WBP1L: variants seen among roughly 807,000 people sequenced by gnomAD.
WBP1L encodes WW domain binding protein 1 like.
A neutral mutation model predicts 33.7 loss-of-function variants in WBP1L; 17 were observed. The ratio of observed to expected loss-of-function variants is 0.50; its 90% confidence interval spans 0.34 to 0.76. WBP1L has a LOEUF of 0.76. Among genes scored for constraint, WBP1L ranks in the 30% least tolerant of loss-of-function variants. The pLI is 0.01. For missense variants in WBP1L, 389 were observed against 469.4 expected (o/e 0.83, Z 1.58); for synonymous variants, 173 against 190.8 (o/e 0.91, Z 0.77).
intron 1 of WBP1L, among the ~76,000 whole-genome samples, chr10:102,788,191 C>T (rs1427911244): frequency 2.9e-5 from 4 of 137,310 alleles, no homozygotes; most frequent in African/African-American, 8.1e-5. Context: ...TGCAGTGGTG[C>T]GATCTCGGCT....
chr10:102,757,053 A>C (rs1842985374), intron 1 of WBP1L, among the ~76,000 whole-genome samples: 1 of 151,864 alleles, frequency 6.6e-6, no homozygotes, highest in Non-Finnish European at 1.5e-5. Flanking sequence ...ACACCTAGCT[A>C]ATTTTTTTGT....
chr10:102,768,384 T>TTTTTTTTTTTTTTTG (rs1843140858), intron 1 of WBP1L, among the ~76,000 whole-genome samples: 1 of 17,072 alleles, frequency 5.9e-5, no homozygotes, highest in African/African-American at 6.1e-4. Context: ...TTTTTTTTTT[T>TTTTTTTTTTTTTTTG]TTTTTTTTTT....
At chr10:102,792,912 C>T (rs777219932) in intron 1 of WBP1L, among the ~76,000 whole-genome samples, 1 of 152,070 alleles carries the variant, frequency 6.6e-6, no homozygotes, top group Non-Finnish European at 1.5e-5. Flanking sequence ...ACTTTTTAAC[C>T]GTACTGTCAA....
chr10:102,751,640 A>C (rs1258722914), intron 1 of WBP1L, among the ~76,000 whole-genome samples: 1 of 152,166 alleles, frequency 6.6e-6, no homozygotes, highest in African/African-American at 2.4e-5. Context: ...ATTTAAACTA[A>C]ATAGCTGTAT....
At chr10:102,809,266 CAG>C (rs1385232530) in intron 2 of WBP1L, among the ~76,000 whole-genome samples, 1 of 151,724 alleles carries the variant, frequency 6.6e-6, no homozygotes, top group Non-Finnish European at 1.5e-5. Flanking sequence ...TTAGTAGAGA[CAG>C]GGTTTCACCA....
At position 102,757,350 on chromosome 10, in the gene WBP1L, G is replaced by A. The variant is rs1473879848; in HGVS notation, c.90+13207G>A. Among the ~76,000 whole-genome samples the A allele has an allele frequency of 4.6e-5, 7 of 152,280 alleles. No homozygotes were observed. In the East Asian group the frequency reaches 9.7e-4, roughly 21 times the overall value. On this transcript the variant is annotated intron_variant, in intron 1 of 3. Coordinates refer to ENST00000448841, the MANE Select transcript of WBP1L (RefSeq NM_001083913.2). The stretch of plus-strand genomic sequence containing the variant: ...CTATTATTCTTGTTTGCACATCATC[G>A]TGCCCTTGAGTGAGAAGAGTGATGG...
intron 1 of WBP1L, among the ~76,000 whole-genome samples, chr10:102,771,505 T>A (rs1398064320): frequency 1.3e-5 from 2 of 152,028 alleles, no homozygotes; most frequent in Non-Finnish European, 2.9e-5. Flanking sequence ...TCATCTATAA[T>A]GACAGAAAAA....
chr10:102,807,757 A>G (rs1843757374), intron 2 of WBP1L, among the ~76,000 whole-genome samples: 1 of 151,802 alleles, frequency 6.6e-6, no homozygotes, highest in African/African-American at 2.4e-5. Flanking sequence ...AACTCTTTGT[A>G]TGTCAAAAAT....
intron 1 of WBP1L, among the ~76,000 whole-genome samples, chr10:102,769,199 G>A (rs1483440103): frequency 6.6e-6 from 1 of 152,182 alleles, no homozygotes; most frequent in Non-Finnish European, 1.5e-5. Context: ...TGCTCAGGCT[G>A]GTCTTGAAAT....
At chr10:102,762,179 C>A (rs1843050516) in intron 1 of WBP1L, among the ~76,000 whole-genome samples, 1 of 152,060 alleles carries the variant, frequency 6.6e-6, no homozygotes, top group Non-Finnish European at 1.5e-5. Flanking sequence ...ACCACTCCAG[C>A]CTGGGTGACC....
chr10:102,781,869 TG>T (rs1167918247), intron 1 of WBP1L, among the ~76,000 whole-genome samples: 3 of 119,452 alleles, frequency 2.5e-5, no homozygotes, highest in African/African-American at 6.9e-5. Context: ...TAATTTTTTT[TG>T]GGGGGGGTGG....
At position 102,768,371 on chromosome 10, in the gene WBP1L, GTTTTTTTTTTTTT is replaced by G. The variant is rs1192088947; in HGVS notation, c.90+24241_90+24253del. On this transcript the variant is annotated intron_variant, in intron 1 of 3. Coordinates refer to ENST00000448841, the MANE Select transcript of WBP1L (RefSeq NM_001083913.2). ...CCATTGCGCCTGGCATTAGTTTTTTGTTTTTTTTTTTTTTTTTTTTTTTTTGAGACGGAGTCTC... is the reference window on the plus strand; with the variant it reads ...CCATTGCGCCTGGCATTAGTTTTTTGTTTTTTTTTTTTGAGACGGAGTCTC... Among the ~76,000 whole-genome samples, 3 of 12,228 alleles carry G rather than the reference GTTTTTTTTTTTTT, an allele frequency of 2.5e-4. No homozygotes were observed. In the East Asian group the frequency reaches 0.023, roughly 93 times the overall value. 8.0% of individuals were successfully genotyped at this position (12,228 alleles called of 152,430 possible).
At chr10:102,779,299 A>C (rs1404535282) in intron 1 of WBP1L, among the ~76,000 whole-genome samples, 1 of 146,638 alleles carries the variant, frequency 6.8e-6, no homozygotes, top group African/African-American at 2.5e-5. Flanking sequence ...ACTCCATTTC[A>C]AAAAAAAAAA....
chr10:102,783,419 G>A (rs1324305050), intron 1 of WBP1L, among the ~76,000 whole-genome samples: 3 of 152,188 alleles, frequency 2.0e-5, no homozygotes, highest in Non-Finnish European at 2.9e-5. Flanking sequence ...CTCAGCGGTC[G>A]CTAGGTTCAG....
chr10:102,763,128 T>C (rs10883773), intron 1 of WBP1L, among the ~76,000 whole-genome samples: 108,457 of 149,680 alleles, frequency 0.72, 39,435 homozygotes, highest in East Asian at 0.9. Context: ...CACTTGAGAC[T>C]GGGAGGCAGA....
At chr10:102,788,119 T>C (rs1399206157) in intron 1 of WBP1L, among the ~76,000 whole-genome samples, 1 of 150,048 alleles carries the variant, frequency 6.7e-6, no homozygotes, top group Non-Finnish European at 1.5e-5. Flanking sequence ...GAACGTGATC[T>C]TAACTTTCTT....
At chr10:102,788,101 A>G (rs1843443868) in intron 1 of WBP1L, among the ~76,000 whole-genome samples, 1 of 149,060 alleles carries the variant, frequency 6.7e-6, no homozygotes. Flanking sequence ...AACCAATACT[A>G]TCAGGGAGAA....
chr10:102,789,035 C>G (rs1202313769), intron 1 of WBP1L, among the ~76,000 whole-genome samples: 1 of 152,164 alleles, frequency 6.6e-6, no homozygotes, highest in East Asian at 1.9e-4. Flanking sequence ...TCTCGGTTTG[C>G]TGCAACCTCC....
intron 1 of WBP1L, among the ~76,000 whole-genome samples, chr10:102,781,512 G>C (rs538531460): frequency 6.6e-6 from 1 of 152,064 alleles, no homozygotes; most frequent in Admixed American, 6.5e-5. Flanking sequence ...GCCCCTGCCC[G>C]TTGCTCTGGC....
Sources: gnomAD v4.1 joint callset for allele counts (sites outside exome capture counted in the v4.1 genomes callset) on GRCh38, gnomAD v4.1.1 for gene constraint, MANE v1.5 for transcripts, NCBI Gene and HGNC (gene_info 2026-07-23, HGNC 2026-07-21) for gene names.